CTNNA1: variants seen among roughly 807,000 people sequenced by gnomAD.
The protein encoded by CTNNA1 is catenin alpha-1.
In CTNNA1, 37 loss-of-function variants were observed where a neutral mutation model predicts 98.4. The observed-to-expected ratio is 0.38, with a 90% CI of 0.29 to 0.49. The LOEUF is 0.49. Among genes scored for constraint, CTNNA1 ranks in the 20% least tolerant of loss-of-function variants. CTNNA1 has a pLI of 0.95. For synonymous variants in CTNNA1, 404 were observed against 413.2 expected (o/e 0.98, Z 0.27); for missense variants, 761 against 1,147.2 (o/e 0.66, Z 4.86).
At chr5:138,838,792 G>C (rs909836480) in intron 7 of CTNNA1, among the ~76,000 whole-genome samples, 1 of 151,732 alleles carries the variant, frequency 6.6e-6, no homozygotes, top group African/African-American at 2.4e-5. Flanking sequence ...TTTTTTTGTT[G>C]TTGTTTGTTT....
intron 13 of CTNNA1, 79 bp downstream of exon 13, chr5:138,925,486 C>A: frequency 6.5e-7 from 1 of 1,541,072 alleles, no homozygotes; most frequent in Non-Finnish European, 8.8e-7. Context: ...CATTCTAGAA[C>A]TCGGCAGATG....
chr5:138,864,471 T>TACC (rs1169173815), intron 7 of CTNNA1, among the ~76,000 whole-genome samples: 1 of 152,236 alleles, frequency 6.6e-6, no homozygotes, highest in Non-Finnish European at 1.5e-5. Flanking sequence ...ATTTTAACCT[T>TACC]ACCACCTTTC....
intron 3 of CTNNA1, among the ~76,000 whole-genome samples, chr5:138,803,158 A>T (rs1003359983): frequency 4.9e-5 from 7 of 141,836 alleles, no homozygotes; most frequent in East Asian, 4.1e-4. Flanking sequence ...AATGGGCCAA[A>T]TTTTTTTTTT....
At chr5:138,908,650 G>T (rs1580729102) in intron 10 of CTNNA1, among the ~76,000 whole-genome samples, 1 of 152,106 alleles carries the variant, frequency 6.6e-6, no homozygotes, top group East Asian at 1.9e-4. Context: ...GGGCGACAGA[G>T]TATGACCCCT....
chr5:138,764,478 T>C (rs1368024676), intron 1 of CTNNA1, among the ~76,000 whole-genome samples: 1 of 152,134 alleles, frequency 6.6e-6, no homozygotes, highest in Non-Finnish European at 1.5e-5. Flanking sequence ...TTTTTTCTTT[T>C]TTTTTAATTT....
At chr5:138,785,145 T>C (rs1359249451) in intron 3 of CTNNA1, among the ~76,000 whole-genome samples, 9 of 148,270 alleles carry the variant, frequency 6.1e-5, no homozygotes, top group Non-Finnish European at 1.0e-4. Flanking sequence ...CACTTCAAGC[T>C]CCGCCTCCCG....
intron 5 of CTNNA1, among the ~76,000 whole-genome samples, chr5:138,819,926 T>G (rs1466167364): frequency 2.0e-5 from 3 of 152,076 alleles, no homozygotes; most frequent in African/African-American, 7.2e-5. Context: ...TCTGGTTGTT[T>G]AAAATCTCCC....
chr5:138,929,079 C>T (rs1024814068), intron 13 of CTNNA1, among the ~76,000 whole-genome samples, 167 bp from the exon 14 acceptor site: 8 of 152,304 alleles, frequency 5.3e-5, no homozygotes, highest in Admixed American at 2.6e-4. Flanking sequence ...AGCAGAGGCT[C>T]GAGACAAATG....
intron 1 of CTNNA1, among the ~76,000 whole-genome samples, chr5:138,767,964 C>G (rs1236632827): frequency 2.0e-5 from 3 of 152,298 alleles, no homozygotes; most frequent in South Asian, 4.1e-4. Context: ...AGGCCTTACC[C>G]TAGATATATT....
chr5:138,916,963 G>A (rs750003129), intron 10 of CTNNA1, among the ~76,000 whole-genome samples: 1 of 151,364 alleles, frequency 6.6e-6, no homozygotes, highest in Non-Finnish European at 1.5e-5. Context: ...TAGTAGAGAC[G>A]GGGTTTCACC....
intron 9 of CTNNA1, among the ~76,000 whole-genome samples, chr5:138,888,272 G>A (rs1318704993): frequency 6.6e-6 from 1 of 152,100 alleles, no homozygotes; most frequent in Non-Finnish European, 1.5e-5. Flanking sequence ...GACTTATTTC[G>A]CAGGTAAGTT....
intron 7 of CTNNA1, among the ~76,000 whole-genome samples, chr5:138,832,183 A>G (rs1270353894): frequency 6.6e-6 from 1 of 152,186 alleles, no homozygotes; most frequent in Non-Finnish European, 1.5e-5. Flanking sequence ...AGCAGCCTTA[A>G]TGTTATTGCT....
At chr5:138,896,775 C>G (rs1481515722) in intron 9 of CTNNA1, among the ~76,000 whole-genome samples, 6 of 152,190 alleles carry the variant, frequency 3.9e-5, no homozygotes, top group Admixed American at 3.9e-4. Flanking sequence ...TCTCCCCTAT[C>G]AAGTTCATGA....
chr5:138,805,444 C>G (rs1757991236), intron 3 of CTNNA1, among the ~76,000 whole-genome samples: 2 of 152,102 alleles, frequency 1.3e-5, no homozygotes, highest in Admixed American at 6.5e-5. Context: ...TTTATTATAG[C>G]CATCCTAACT....
chr5:138,913,526 G>T (rs1761098137), intron 10 of CTNNA1, among the ~76,000 whole-genome samples: 1 of 151,644 alleles, frequency 6.6e-6, no homozygotes, highest in Non-Finnish European at 1.5e-5. Context: ...GGAGGTTGCA[G>T]TGAGCTGAGA....
intron 11 of CTNNA1, among the ~76,000 whole-genome samples, chr5:138,919,362 G>T (rs535308053): frequency 1.3e-5 from 2 of 152,266 alleles, no homozygotes; most frequent in South Asian, 2.1e-4. Context: ...TTGAGATTAG[G>T]TTGGGTATGT....
chr5:138,770,692 C>G (rs1379554958), intron 1 of CTNNA1, among the ~76,000 whole-genome samples: 1 of 152,138 alleles, frequency 6.6e-6, no homozygotes, highest in Non-Finnish European at 1.5e-5. Context: ...GTGGCTCATG[C>G]CTTTAATCCC....
intron 7 of CTNNA1, among the ~76,000 whole-genome samples, chr5:138,877,645 C>T (rs1484911369): frequency 6.6e-6 from 1 of 151,930 alleles, no homozygotes; most frequent in African/African-American, 2.4e-5. Flanking sequence ...GACGGGGTTT[C>T]ACCTTGTTAG....
intron 7 of CTNNA1, among the ~76,000 whole-genome samples, chr5:138,832,358 T>C (rs1406397708): frequency 4.6e-5 from 7 of 152,220 alleles, no homozygotes; most frequent in Non-Finnish European, 1.0e-4. Context: ...TTGCGACCCT[T>C]CAGTGTATCC....
Sources: allele counts gnomAD v4.1 joint callset (sites outside exome capture counted in the v4.1 genomes callset), GRCh38; gene constraint gnomAD v4.1.1; transcripts MANE v1.5; gene names NCBI Gene and HGNC (gene_info 2026-07-23, HGNC 2026-07-21).